ASCC1: variants seen among roughly 807,000 people sequenced by gnomAD.
ASCC1 encodes activating signal cointegrator 1 complex subunit 1, also known as ASC-1 complex subunit P50.
In ASCC1, 35 loss-of-function variants were observed where a neutral mutation model predicts 46.6. The ratio of observed to expected loss-of-function variants is 0.75; its 90% CI spans 0.57 to 0.99. The LOEUF is 0.99. Among genes scored for constraint, ASCC1 ranks in the 50% least tolerant of loss-of-function variants. The pLI is 0.00. For synonymous variants in ASCC1, 143 were observed against 146.6 expected (o/e 0.98, Z 0.18); for missense variants, 376 against 428.7 (o/e 0.88, Z 1.09).
chr10:72,164,458 T>C (rs1174808917), intron 5 of ASCC1, among the ~76,000 whole-genome samples: 1 of 152,232 alleles, frequency 6.6e-6, no homozygotes, highest in Non-Finnish European at 1.5e-5. Context: ...GCTGTAGCAT[T>C]ATCACTCCTT....
intron 9 of ASCC1, among the ~76,000 whole-genome samples, chr10:72,103,354 G>A (rs921542433): frequency 1.1e-4 from 16 of 151,256 alleles, no homozygotes; most frequent in African/African-American, 3.2e-4. Context: ...AGATGGTCTC[G>A]ATCTCCTGAC....
chr10:72,183,759 T>C (rs1289075308), intron 5 of ASCC1, among the ~76,000 whole-genome samples: 1 of 152,184 alleles, frequency 6.6e-6, no homozygotes, highest in Non-Finnish European at 1.5e-5. Context: ...AATTCTATAA[T>C]CAGTAAAAAT....
chr10:72,201,730 G>A (rs948698526), intron 4 of ASCC1, among the ~76,000 whole-genome samples: 4 of 151,646 alleles, frequency 2.6e-5, no homozygotes, highest in African/African-American at 7.3e-5. Context: ...TTGAGCTCAG[G>A]AGTTCAAGAC....
intron 9 of ASCC1, among the ~76,000 whole-genome samples, chr10:72,117,876 A>G (rs1183468916): frequency 6.6e-6 from 1 of 152,266 alleles, no homozygotes. Flanking sequence ...ATCCAGTCAT[A>G]GAAATATAAC....
intron 7 of ASCC1, among the ~76,000 whole-genome samples, chr10:72,143,633 C>T (rs533098823): frequency 6.8e-6 from 1 of 147,932 alleles, no homozygotes; most frequent in Non-Finnish European, 1.5e-5. Flanking sequence ...AGTATGTAAT[C>T]ATTTTTTTTC....
At chr10:72,128,642 C>G (rs1367106888) in intron 8 of ASCC1, among the ~76,000 whole-genome samples, 2 of 152,112 alleles carry the variant, frequency 1.3e-5, no homozygotes, top group African/African-American at 4.8e-5. Flanking sequence ...AAGGGCTTCC[C>G]CCAGAGGAAA....
At chr10:72,112,357 G>A (rs75843515) in intron 9 of ASCC1, among the ~76,000 whole-genome samples, 2 of 152,092 alleles carry the variant, frequency 1.3e-5, no homozygotes, top group Non-Finnish European at 2.9e-5. Flanking sequence ...ACTTACATGA[G>A]GTACCTAGAG....
intron 5 of ASCC1, among the ~76,000 whole-genome samples, chr10:72,172,863 ATATATAT>A (rs1219298807): frequency 1.6e-5 from 2 of 123,402 alleles, no homozygotes; most frequent in Admixed American, 9.3e-5. Context: ...TTTTTATATT[ATATATAT>A]TATATATTAT....
At chr10:72,193,768 C>T (rs1854923256) in intron 5 of ASCC1, among the ~76,000 whole-genome samples, 1 of 151,698 alleles carries the variant, frequency 6.6e-6, no homozygotes, top group African/African-American at 2.4e-5. Flanking sequence ...AAGTTAAAGT[C>T]TTACCTCTTA....
chr10:72,102,185 G>A, intron 9 of ASCC1: 1 of 670,590 alleles, frequency 1.5e-6, no homozygotes, highest in Admixed American at 2.4e-5. Flanking sequence ...CTTTCTAGAT[G>A]AGAAGGAGAT....
intron 5 of ASCC1, among the ~76,000 whole-genome samples, chr10:72,181,572 C>T (rs1445493355): frequency 2.0e-5 from 3 of 148,988 alleles, no homozygotes; most frequent in East Asian, 4.0e-4. Flanking sequence ...TAATTTTTTT[C>T]TTTTTTTTTC....
chr10:72,209,299 CAT>C (rs1857697126), intron 3 of ASCC1, among the ~76,000 whole-genome samples: 1 of 151,932 alleles, frequency 6.6e-6, no homozygotes, highest in African/African-American at 2.4e-5. Flanking sequence ...GCCTGGGAAA[CAT>C]AGTAAAACCC....
chr10:72,109,078 T>TG (rs1842649096), intron 9 of ASCC1, among the ~76,000 whole-genome samples: 1 of 152,120 alleles, frequency 6.6e-6, no homozygotes, highest in African/African-American at 2.4e-5. Flanking sequence ...CAGTGATCAG[T>TG]GGTGTGAGAG....
intron 7 of ASCC1, among the ~76,000 whole-genome samples, chr10:72,144,815 C>A (rs1348236699): frequency 6.6e-6 from 1 of 152,028 alleles, no homozygotes; most frequent in African/African-American, 2.4e-5. Flanking sequence ...TTTTTAAACG[C>A]CCCCTTAAAT....
At chr10:72,211,115 G>A (rs959262644) in intron 2 of ASCC1, among the ~76,000 whole-genome samples, 2 of 152,126 alleles carry the variant, frequency 1.3e-5, no homozygotes, top group African/African-American at 4.8e-5. Flanking sequence ...CTGTGGTTTC[G>A]CTTTCCAAGG....
At chr10:72,192,420 A>G (rs985618180) in intron 5 of ASCC1, among the ~76,000 whole-genome samples, 8 of 149,734 alleles carry the variant, frequency 5.3e-5, no homozygotes, top group African/African-American at 2.0e-4. Context: ...GAGCCATAGA[A>G]CTCCAGCCTG....
At chr10:72,210,583 A>T in intron 3 of ASCC1, 149 bp downstream of exon 3, 1 of 688,720 alleles carries the variant, frequency 1.5e-6, no homozygotes, top group Non-Finnish European at 2.6e-6. Context: ...TTAATCTGTA[A>T]TCAGTCCTTT....
intron 5 of ASCC1, chr10:72,190,349 T>G (rs1589544312): frequency 7.8e-7 from 1 of 1,280,752 alleles, no homozygotes; most frequent in East Asian, 2.3e-5. Context: ...ATACAAATTT[T>G]TTGAGGTTAT....
At chr10:72,214,039 A>AAAAAAG (rs1182517091) in intron 1 of ASCC1, among the ~76,000 whole-genome samples, 2 of 150,784 alleles carry the variant, frequency 1.3e-5, no homozygotes, top group South Asian at 4.2e-4. Context: ...CTCCGTCTTA[A>AAAAAAG]AAAAAGAAAA....
Sources: allele counts gnomAD v4.1 joint callset (sites outside exome capture counted in the v4.1 genomes callset), GRCh38; gene constraint gnomAD v4.1.1; transcripts MANE v1.5; gene names NCBI Gene and HGNC (gene_info 2026-07-23, HGNC 2026-07-21).